CPQ: variants seen among roughly 807,000 people sequenced by gnomAD.
CPQ encodes the protein Ser-Met dipeptidase.
CPQ carries 37 observed loss-of-function variants against 45.7 expected under a neutral mutation model. That is an observed-to-expected ratio of 0.81 (90% CI 0.62 to 1.07). The LOEUF (loss-of-function observed/expected upper bound fraction) is 1.07, where lower values mean the gene tolerates loss of function less well. Among genes scored for constraint, CPQ ranks in the 50% least tolerant of loss-of-function variants. The pLI is 0.00. For synonymous variants in CPQ, 186 were observed against 205.8 expected (o/e 0.90, Z 0.82); for missense variants, 537 against 572.9 (o/e 0.94, Z 0.64).
intron 1 of CPQ, among the ~76,000 whole-genome samples, chr8:96,744,011 G>A (rs1332612877): frequency 2.6e-5 from 4 of 151,786 alleles, no homozygotes; most frequent in Non-Finnish European, 4.4e-5. Flanking sequence ...CACCCAGTTC[G>A]AGCTTCCTGG....
chr8:96,855,347 G>A (rs187701010), intron 3 of CPQ, among the ~76,000 whole-genome samples: 12 of 152,234 alleles, frequency 7.9e-5, no homozygotes, highest in African/African-American at 2.9e-4. Flanking sequence ...GGCAGCTGCT[G>A]AGGAGGGCTG....
At chr8:97,022,096 T>G (rs1809698342) in intron 5 of CPQ, among the ~76,000 whole-genome samples, 1 of 152,170 alleles carries the variant, frequency 6.6e-6, no homozygotes, top group African/African-American at 2.4e-5. Flanking sequence ...TACAGCCAAC[T>G]GATCTTCAAC....
intron 7 of CPQ, among the ~76,000 whole-genome samples, chr8:97,086,147 T>A (rs2130558755): frequency 6.6e-6 from 1 of 152,294 alleles, no homozygotes; most frequent in Admixed American, 6.5e-5. Context: ...AAAAGCCTCC[T>A]CCACTGTTCA....
intron 6 of CPQ, among the ~76,000 whole-genome samples, chr8:97,059,162 G>A (rs1265578253): frequency 2.0e-5 from 3 of 152,072 alleles, no homozygotes; most frequent in African/African-American, 7.2e-5. Flanking sequence ...ACATTGGACT[G>A]CCTGAAAACA....
chr8:96,673,816 T>C (rs1310355658), intron 1 of CPQ, among the ~76,000 whole-genome samples: 3 of 152,146 alleles, frequency 2.0e-5, no homozygotes, highest in Non-Finnish European at 4.4e-5. Flanking sequence ...GTGAACACTA[T>C]ATTGTCTGGC....
intron 6 of CPQ, among the ~76,000 whole-genome samples, chr8:97,035,713 T>G (rs1196966831): frequency 6.6e-6 from 1 of 152,056 alleles, no homozygotes; most frequent in African/African-American, 2.4e-5. Flanking sequence ...TTGTTTTGTT[T>G]TCTTTTGTAT....
chr8:96,723,809 G>A (rs995121266), intron 1 of CPQ, among the ~76,000 whole-genome samples: 6 of 151,950 alleles, frequency 3.9e-5, no homozygotes, highest in African/African-American at 7.3e-5. Context: ...AAAACTAGGG[G>A]CATCTCAAAC....
intron 6 of CPQ, among the ~76,000 whole-genome samples, chr8:97,046,460 G>A (rs993445181): frequency 3.9e-5 from 6 of 152,074 alleles, no homozygotes; most frequent in African/African-American, 1.4e-4. Context: ...ACCCCACACA[G>A]CAAAACATGT....
intron 2 of CPQ, among the ~76,000 whole-genome samples, chr8:96,797,877 C>T (rs144378827): frequency 0.011 from 1,666 of 152,072 alleles, 41 homozygotes; most frequent in African/African-American, 0.037. Context: ...TGGTGAAACC[C>T]AGTCTCTACT....
intron 4 of CPQ, among the ~76,000 whole-genome samples, chr8:96,960,705 T>C (rs1196657622): frequency 6.6e-6 from 1 of 152,202 alleles, no homozygotes; most frequent in East Asian, 1.9e-4. Context: ...ATTGCTTTGC[T>C]TTTCTTCATA....
intron 2 of CPQ, among the ~76,000 whole-genome samples, chr8:96,810,995 A>G (rs1021213912): frequency 2.0e-5 from 3 of 152,212 alleles, no homozygotes; most frequent in African/African-American, 7.2e-5. Flanking sequence ...AAGGCTAAAT[A>G]TCAAAATAGT....
At chr8:96,814,985 G>T (rs780743923) in intron 2 of CPQ, among the ~76,000 whole-genome samples, 3 of 152,090 alleles carry the variant, frequency 2.0e-5, no homozygotes, top group Non-Finnish European at 4.4e-5. Context: ...ATTGGTAGTT[G>T]CCAGGGGTTT....
chr8:96,730,472 C>A (rs528997851), intron 1 of CPQ, among the ~76,000 whole-genome samples: 1 of 152,024 alleles, frequency 6.6e-6, no homozygotes, highest in Admixed American at 6.5e-5. Context: ...GACAGGCATT[C>A]AGAGGTAAGA....
chr8:97,010,860 C>G (rs1011410232), intron 5 of CPQ, among the ~76,000 whole-genome samples: 2 of 152,110 alleles, frequency 1.3e-5, no homozygotes, highest in Non-Finnish European at 2.9e-5. Context: ...TTTCTGACAA[C>G]AAAATTAATA....
Position 96,992,799 on chromosome 8 carries a change from C to T in CPQ, c.961+26753C>T, listed in dbSNP as rs1809117700. 5.3e-5 allele frequency among the ~76,000 whole-genome samples: 8 copies of T among 152,312 alleles called. No individual in the cohort carries two copies. In the South Asian group the frequency reaches 1.2e-3, roughly 24 times the overall value. The stretch of plus-strand genomic sequence containing the variant: ...CAGAGATAAAAGTGGTGGAATTAGA[C>T]TTCAGTCCTGTAATGGTGCACCTGA... On this transcript the variant is annotated intron_variant, in intron 5 of 7. Transcript: ENST00000220763.
chr8:97,124,489 G>A (rs1228522417), intron 7 of CPQ, among the ~76,000 whole-genome samples: 1 of 152,088 alleles, frequency 6.6e-6, no homozygotes, highest in Admixed American at 6.5e-5. Flanking sequence ...CTTTTTAAGT[G>A]CACATGGGGT....
intron 7 of CPQ, among the ~76,000 whole-genome samples, chr8:97,075,542 A>G (rs763886023): frequency 2.6e-5 from 4 of 152,226 alleles, no homozygotes; most frequent in Non-Finnish European, 5.9e-5. Context: ...AGATAAGAAT[A>G]AAGACTTCAT....
chr8:96,944,365 T>C (rs1490971296), intron 4 of CPQ, among the ~76,000 whole-genome samples: 1 of 152,126 alleles, frequency 6.6e-6, no homozygotes, highest in African/African-American at 2.4e-5. Context: ...GTCTGTTCAG[T>C]CCATTTGTTC....
At chr8:97,040,420 C>T (rs916431408) in intron 6 of CPQ, among the ~76,000 whole-genome samples, 1 of 150,968 alleles carries the variant, frequency 6.6e-6, no homozygotes, top group Non-Finnish European at 1.5e-5. Context: ...AAATTTTCTC[C>T]CATTTTGTAG....
Sources: allele counts gnomAD v4.1 joint callset (sites outside exome capture counted in the v4.1 genomes callset), GRCh38; gene constraint gnomAD v4.1.1; transcripts MANE v1.5; gene names NCBI Gene and HGNC (gene_info 2026-07-23, HGNC 2026-07-21).